The following NR3C2 variants were observed in gnomAD, a reference collection of about 807,000 sequenced individuals.
NR3C2 encodes mineralocorticoid receptor.
A neutral mutation model predicts 86.4 loss-of-function variants in NR3C2; 15 were observed. The ratio of observed to expected loss-of-function variants is 0.17; its 90% CI spans 0.12 to 0.27. The LOEUF is 0.27. Among genes scored for constraint, NR3C2 ranks in the 10% least tolerant of loss-of-function variants. The pLI, the probability that NR3C2 is intolerant of heterozygous loss-of-function variation, is 1.00. For synonymous variants in NR3C2, 458 were observed against 450.5 expected, an observed-to-expected ratio of 1.02 and a Z score of -0.21; for missense variants, 960 against 1,195.6, an observed-to-expected ratio of 0.80 and a Z score of 2.91.
chr4:148,109,141 C>T (rs1472553324), intron 8 of NR3C2, among the ~76,000 whole-genome samples: 1 of 152,164 alleles, frequency 6.6e-6, no homozygotes, highest in Non-Finnish European at 1.5e-5. Flanking sequence ...TTTCTTCTTC[C>T]ATTAAATAAG....
chr4:148,398,602 A>C (rs28621626), intron 2 of NR3C2, among the ~76,000 whole-genome samples: 15,855 of 152,268 alleles, frequency 0.1, 987 homozygotes, highest in Middle Eastern at 0.33. Flanking sequence ...CAGATTCAAA[A>C]GTAATTTGCC....
At chr4:148,356,479 C>A (rs1289188192) in intron 2 of NR3C2, among the ~76,000 whole-genome samples, 1 of 152,166 alleles carries the variant, frequency 6.6e-6, no homozygotes, top group African/African-American at 2.4e-5. Flanking sequence ...TAGTGCCATT[C>A]ATAAAGGTGT....
In NR3C2 at chr4:148,315,527, C is replaced by T. The variant is rs372062539; in HGVS notation, c.1758-55410G>A. Among the ~76,000 whole-genome samples the T allele has an allele frequency of 6.6e-5, 10 of 152,128 alleles. No homozygotes were observed. In the East Asian group the frequency reaches 9.6e-4, roughly 15 times the overall value. ...CTCTGAATATTTTTCTTGATGTAGC[C>T]TATGAGAATGTTTTGCATTCATGTA... On this transcript the variant is annotated intron_variant, in intron 2 of 8. Transcript: ENST00000358102.
chr4:148,440,064 T>C (rs767986739), intron 1 of NR3C2, among the ~76,000 whole-genome samples: 1 of 152,240 alleles, frequency 6.6e-6, no homozygotes, highest in Non-Finnish European at 1.5e-5. Flanking sequence ...CTAAATTACT[T>C]TGTTTAAGGT....
chr4:148,184,423 G>C (rs1264073439), intron 4 of NR3C2, among the ~76,000 whole-genome samples: 4 of 151,462 alleles, frequency 2.6e-5, no homozygotes, highest in Non-Finnish European at 4.4e-5. Context: ...TTGCACTCCA[G>C]CCTGGGTGAC....
intron 2 of NR3C2, among the ~76,000 whole-genome samples, chr4:148,434,593 G>A (rs1423603256): frequency 6.6e-6 from 1 of 152,036 alleles, no homozygotes; most frequent in Non-Finnish European, 1.5e-5. Context: ...AACCTACTTA[G>A]AAAAGGGCAG....
chr4:148,258,627 T>C (rs998508796), intron 3 of NR3C2, among the ~76,000 whole-genome samples: 1 of 152,140 alleles, frequency 6.6e-6, no homozygotes, highest in African/African-American at 2.4e-5. Flanking sequence ...TTTATAGGAA[T>C]TGCTAGGAAC....
chr4:148,127,073 C>T (rs1212075974), intron 6 of NR3C2, among the ~76,000 whole-genome samples: 2 of 152,172 alleles, frequency 1.3e-5, no homozygotes, highest in African/African-American at 2.4e-5. Flanking sequence ...TATGTGGTAA[C>T]ATTTTGTGTT....
At chr4:148,387,397 A>AC (rs1412887004) in intron 2 of NR3C2, among the ~76,000 whole-genome samples, 1 of 151,892 alleles carries the variant, frequency 6.6e-6, no homozygotes, top group East Asian at 1.9e-4. Flanking sequence ...AGAAAGGGAG[A>AC]CCCCCATTTG....
chr4:148,268,631 T>C (rs1216005801), intron 2 of NR3C2, among the ~76,000 whole-genome samples: 1 of 152,118 alleles, frequency 6.6e-6, no homozygotes, highest in East Asian at 1.9e-4. Flanking sequence ...CAAGATAAAA[T>C]TGGAGCTGGG....
intron 6 of NR3C2, among the ~76,000 whole-genome samples, chr4:148,136,906 A>G (rs931894974): frequency 9.2e-5 from 14 of 152,320 alleles, no homozygotes; most frequent in Admixed American, 8.5e-4. Flanking sequence ...GCTACACTAT[A>G]GAATTCTAGA....
intron 4 of NR3C2, 149 bp downstream of exon 4, chr4:148,194,597 A>G: frequency 1.6e-6 from 1 of 623,790 alleles, no homozygotes; most frequent in South Asian, 1.9e-5. Context: ...TTCTCTTCTA[A>G]AATGTTTTAG....
chr4:148,104,342 G>GGTTTGGTTTTT (rs1731686588), intron 8 of NR3C2, among the ~76,000 whole-genome samples: 3 of 63,790 alleles, frequency 4.7e-5, no homozygotes, highest in Non-Finnish European at 9.8e-5. Context: ...TTTTGGTTTG[G>GGTTTGGTTTTT]TTTTTTTTTT....
chr4:148,111,008 C>T (rs61764244), intron 8 of NR3C2, among the ~76,000 whole-genome samples: 6,131 of 152,276 alleles, frequency 0.04, 175 homozygotes, highest in Middle Eastern at 0.068. Context: ...GTTAAAATTA[C>T]AAACTCCTGC....
At chr4:148,286,392 G>A (rs1741520034) in intron 2 of NR3C2, among the ~76,000 whole-genome samples, 1 of 152,072 alleles carries the variant, frequency 6.6e-6, no homozygotes, top group African/African-American at 2.4e-5. Context: ...CTGATTAAAT[G>A]GATCAGTTGT....
chr4:148,135,257 G>A (rs149107441), intron 6 of NR3C2, among the ~76,000 whole-genome samples: 21 of 152,226 alleles, frequency 1.4e-4, no homozygotes, highest in African/African-American at 2.6e-4. Flanking sequence ...TCAATCACCC[G>A]CTACAATCAC....
At chr4:148,187,083 T>C (rs1735962854) in intron 4 of NR3C2, among the ~76,000 whole-genome samples, 1 of 147,264 alleles carries the variant, frequency 6.8e-6, no homozygotes, top group Non-Finnish European at 1.5e-5. Flanking sequence ...ATGTGATATG[T>C]ATATATCACA....
chr4:148,367,990 C>T (rs115946169), intron 2 of NR3C2, among the ~76,000 whole-genome samples: 1,659 of 152,128 alleles, frequency 0.011, 24 homozygotes, highest in African/African-American at 0.038. Context: ...CCTCTACAAC[C>T]TACCCAGGTG....
intron 6 of NR3C2, among the ~76,000 whole-genome samples, chr4:148,136,280 A>C (rs1384908843): frequency 6.6e-6 from 1 of 151,638 alleles, no homozygotes; most frequent in African/African-American, 2.4e-5. Flanking sequence ...CTATAGAGCA[A>C]AAGGAAGGGA....
Sources: gnomAD v4.1 joint callset for allele counts (sites outside exome capture counted in the v4.1 genomes callset) on GRCh38, gnomAD v4.1.1 for gene constraint, MANE v1.5 for transcripts, NCBI Gene and HGNC (gene_info 2026-07-23, HGNC 2026-07-21) for gene names.